Variants in LAMTOR2 observed in about 807,000 individuals in gnomAD.
LAMTOR2 encodes late endosomal/lysosomal adaptor, MAPK and MTOR activator 2.
A neutral mutation model predicts 15.8 loss-of-function variants in LAMTOR2; 4 were observed. The ratio of observed to expected loss-of-function variants is 0.25; its 90% CI spans 0.12 to 0.58. LAMTOR2 has a LOEUF of 0.58. Ranked by LOEUF, LAMTOR2 falls within the 20% of genes least tolerant of loss-of-function variation. LAMTOR2 has a pLI of 0.91. For missense variants in LAMTOR2, 100 were observed against 161.0 expected (o/e 0.62, Z 2.05); for synonymous variants, 62 against 64.1 (o/e 0.97, Z 0.15).
chr1:156,055,466 G>T lies in LAMTOR2; in HGVS notation c.231+41G>T. On this transcript the variant is annotated intron_variant, in intron 2 of 3. Transcript: ENST00000368305. The surrounding 1 kb of genome is among the most constrained non-coding windows in gnomAD (Gnocchi z 4.8). Reference sequence around the variant, plus strand: ...CCAGACTTCCCCTGTCCCCCAAAGGGGATCCCAAGGGGGCGACCTGGACCC... The same window carrying T: ...CCAGACTTCCCCTGTCCCCCAAAGGTGATCCCAAGGGGGCGACCTGGACCC... 1 of 1,612,340 alleles carries T rather than the reference G, an allele frequency of 6.2e-7. No individual in the cohort carries two copies. Among genetic ancestry groups the T allele is most frequent in the South Asian group, 1.1e-5 (1 of 91,046 alleles).
chr1:156,055,089 CG>C lies in LAMTOR2; in HGVS notation c.68+135del. 7.4e-7 allele frequency: 1 copy of C among 1,349,340 alleles called. No individual in the cohort carries two copies. Among genetic ancestry groups the C allele is most frequent in the South Asian group, 1.2e-5 (1 of 84,692 alleles). The allele number at this position is 1,349,340 out of a possible 1,614,324, so 83.6% of individuals were successfully genotyped here. On this transcript the variant is annotated intron_variant, in intron 1 of 3. Transcript: ENST00000368305. The surrounding 1 kb of genome is among the most constrained non-coding windows in gnomAD (Gnocchi z 4.8). ...GGGGGCAGCGGCTGGGGATACCGGC[CG>C]GGAGGTCCCCTGTCGAAAAGGGAAG... is the stretch of plus-strand genomic sequence containing the variant.
chr1:156,058,255 G>A (rs1283889337), intron 3 of LAMTOR2, 60 bp from the exon 4 acceptor site: 2 of 1,610,138 alleles, frequency 1.2e-6, no homozygotes. Context: ...GAGCAGACCT[G>A]GATTTGGGGT....
Position 156,058,300 on chromosome 1 carries a change from G to T in LAMTOR2, c.322-15G>T, listed in dbSNP as rs773426381. On this transcript the variant is annotated splice_polypyrimidine_tract_variant and intron_variant, in intron 3 of 3. Transcript: ENST00000368305. Reference sequence around the variant, plus strand: ...CAGGCTGTGTGCGGGACTGATCTCTGTTCTCCCTCTGCAGGCCCAGGCTTT... The same window carrying T: ...CAGGCTGTGTGCGGGACTGATCTCTTTTCTCCCTCTGCAGGCCCAGGCTTT... 1.9e-6 allele frequency: 3 copies of T among 1,614,030 alleles called. No homozygotes were observed. The highest frequency in any genetic ancestry group is 2.5e-6 in the Non-Finnish European group (3 of 1,180,032).
In LAMTOR2 at chr1:156,055,465, G is replaced by A. The variant is rs1210977130; in HGVS notation, c.231+40G>A. 2.5e-6 allele frequency: 4 copies of A among 1,612,734 alleles called. No homozygotes were observed. In the African/African-American group the frequency reaches 4.0e-5, roughly 16 times the overall value. On this transcript the variant is annotated intron_variant, in intron 2 of 3. Transcript: ENST00000368305. This position sits in a 1 kb window ranked among gnomAD's most constrained non-coding sequence, Gnocchi z 4.8. ...GCCAGACTTCCCCTGTCCCCCAAAG[G>A]GGATCCCAAGGGGGCGACCTGGACC... is the stretch of plus-strand genomic sequence containing the variant.
chr1:156,057,946 A>T, intron 2 of LAMTOR2, 32 bp from the exon 3 acceptor site: 5 of 1,603,404 alleles, frequency 3.1e-6, no homozygotes, highest in Non-Finnish European at 4.3e-6. Flanking sequence ...TGCCAAGCAG[A>T]ACATCACATC....
In LAMTOR2 at chr1:156,055,116, C is replaced by A. The variant is rs1175671817; in HGVS notation, c.69-147C>A. 1.5e-6 allele frequency: 2 copies of A among 1,370,692 alleles called. No homozygotes were observed. Among genetic ancestry groups the A allele is most frequent in the Non-Finnish European group, 2.1e-6 (2 of 967,576 alleles). 84.9% of individuals were successfully genotyped at this position (1,370,692 alleles called of 1,614,324 possible). ...GGAGGTCCCCTGTCGAAAAGGGAAG[C>A]CGGTGTGCTGGGTGCTTAGGGCATG... On this transcript the variant is annotated intron_variant, in intron 1 of 3. Transcript: ENST00000368305. This position sits in a 1 kb window ranked among gnomAD's most constrained non-coding sequence, Gnocchi z 4.8.
chr1:156,057,177 C>CAAAAAA (rs1002332400), intron 2 of LAMTOR2, among the ~76,000 whole-genome samples: 3 of 84,894 alleles, frequency 3.5e-5, no homozygotes. Flanking sequence ...GACTCCATCT[C>CAAAAAA]AAAAAAAAAA....
intron 2 of LAMTOR2, 54 bp from the exon 3 acceptor site, chr1:156,057,924 G>T (rs1647427119): frequency 6.6e-7 from 1 of 1,510,276 alleles, no homozygotes; most frequent in Non-Finnish European, 9.2e-7. Context: ...TGGGGAAGGA[G>T]GGTGCTAAGG....
At chr1:156,057,830 TG>T in intron 2 of LAMTOR2, 147 bp from the exon 3 acceptor site, 1 of 725,420 alleles carries the variant, frequency 1.4e-6, no homozygotes, top group Non-Finnish European at 2.4e-6. Context: ...TTCAGGGCTG[TG>T]GCCAAAAGCT....
rs1195940358 is a variant in LAMTOR2 at position 156,057,295 on chromosome 1, C to G, written c.232-683C>G. ...ATTATCTGAGGCCAGGAGTTCAAGA[C>G]CAGCCTTGGTGACCTAATAAGACCC... On this transcript the variant is annotated intron_variant, in intron 2 of 3. Transcript: ENST00000368305. Among the ~76,000 whole-genome samples the G allele has an allele frequency of 2.0e-5, 3 of 151,728 alleles. No homozygotes were observed. The East Asian group carries it at 5.8e-4, about 29-fold the overall frequency.
chr1:156,056,872 C>G (rs1002448282), intron 2 of LAMTOR2, among the ~76,000 whole-genome samples: 1 of 152,082 alleles, frequency 6.6e-6, no homozygotes, highest in Non-Finnish European at 1.5e-5. Flanking sequence ...TGACCACAAC[C>G]CAGCCATAAG....
In LAMTOR2 at chr1:156,055,215, T is replaced by G; in HGVS notation, c.69-48T>G. ...GACTTGGGATGGAAACCCAGACGTT[T>G]TACTCCCCGCTCTGAGCACATCGCT... On this transcript the variant is annotated intron_variant, in intron 1 of 3. Coordinates refer to ENST00000368305, the MANE Select transcript of LAMTOR2 (RefSeq NM_014017.4). This position sits in a 1 kb window ranked among gnomAD's most constrained non-coding sequence, Gnocchi z 4.8. The G allele has an allele frequency of 6.2e-7, 1 of 1,609,488 alleles. No individual in the cohort carries two copies. The highest frequency in any genetic ancestry group is 8.5e-7 in the Non-Finnish European group (1 of 1,178,658).
intron 2 of LAMTOR2, among the ~76,000 whole-genome samples, chr1:156,056,752 C>T (rs1647384762): frequency 6.6e-6 from 1 of 152,150 alleles, no homozygotes; most frequent in Admixed American, 6.5e-5. Flanking sequence ...TGTAACTCAA[C>T]TGCCTACTCT....
chr1:156,056,036 C>T (rs1647355175), intron 2 of LAMTOR2: 1 of 159,020 alleles, frequency 6.3e-6, no homozygotes, highest in Non-Finnish European at 1.4e-5. Context: ...GACAAAACCC[C>T]CAGCCCTAAT....
rs368846357 is a variant in LAMTOR2, at chr1:156,058,296, C to G, written c.322-19C>G. Reference sequence around the variant, plus strand: ...ATGCCAGGCTGTGTGCGGGACTGATCTCTGTTCTCCCTCTGCAGGCCCAGG... The same window carrying G: ...ATGCCAGGCTGTGTGCGGGACTGATGTCTGTTCTCCCTCTGCAGGCCCAGG... On this transcript the variant is annotated intron_variant, in intron 3 of 3. Coordinates refer to ENST00000368305, the MANE Select transcript of LAMTOR2 (RefSeq NM_014017.4). 3 of 1,613,962 alleles carry G rather than the reference C, an allele frequency of 1.9e-6. No homozygotes were observed. The highest frequency in any genetic ancestry group is 1.7e-5 in the Admixed American group (1 of 59,984).
At chr1:156,056,853 C>T (rs1230411621) in intron 2 of LAMTOR2, among the ~76,000 whole-genome samples, 1 of 152,082 alleles carries the variant, frequency 6.6e-6, no homozygotes, top group Non-Finnish European at 1.5e-5. Context: ...CAATAGCTTT[C>T]AAACGTTTTG....
chr1:156,054,881 A>C lies in LAMTOR2; in HGVS notation c.-9A>C, dbSNP rs202110008. 5.7e-5 allele frequency: 92 copies of C among 1,612,664 alleles called. No individual in the cohort carries two copies. The highest frequency in any genetic ancestry group is 1.7e-4 in the Middle Eastern group (1 of 5,900). The stretch of plus-strand genomic sequence containing the variant: ...TGGGTGCAAAAGCCCAGGGTTAGGA[A>C]CCGTAGGCATGCTGCGCCCCAAGGC... On this transcript the variant is annotated 5_prime_UTR_variant, in exon 1 of 4. Transcript: ENST00000368305.
At chr1:156,057,749 C>CT (rs1405885020) in intron 2 of LAMTOR2, among the ~76,000 whole-genome samples, 1 of 152,160 alleles carries the variant, frequency 6.6e-6, no homozygotes, top group Non-Finnish European at 1.5e-5. Flanking sequence ...TTCTGAGAGA[C>CT]TAAGTTTCCC....
chr1:156,055,483 C>T lies in LAMTOR2; in HGVS notation c.231+58C>T. ...CCCAAAGGGGATCCCAAGGGGGCGA[C>T]CTGGACCCCATCCTGGATGGTTGGA... On this transcript the variant is annotated intron_variant, in intron 2 of 3. Coordinates refer to ENST00000368305, the MANE Select transcript of LAMTOR2 (RefSeq NM_014017.4). The surrounding 1 kb of genome is among the most constrained non-coding windows in gnomAD (Gnocchi z 4.8). The T allele has an allele frequency of 6.3e-7, 1 of 1,594,870 alleles. No homozygotes were observed. The highest frequency in any genetic ancestry group is 2.2e-5 in the East Asian group (1 of 44,788).
Sources: allele counts gnomAD v4.1 joint callset (sites outside exome capture counted in the v4.1 genomes callset), GRCh38; gene constraint gnomAD v4.1.1; non-coding constraint Gnocchi (gnomAD v3.1); transcripts MANE v1.5; gene names NCBI Gene and HGNC (gene_info 2026-07-23, HGNC 2026-07-21).